Variants in INTS14 observed in about 807,000 individuals in gnomAD.
INTS14 encodes UPF0464 protein C15orf44.
In INTS14, 27 loss-of-function variants were observed where a neutral mutation model predicts 56.9. The ratio of observed to expected loss-of-function variants is 0.47; its 90% CI spans 0.35 to 0.65. The LOEUF (loss-of-function observed/expected upper bound fraction) is 0.65. INTS14 is among the 30% of genes least tolerant of loss of function. The pLI is 0.00. For missense variants in INTS14, 517 were observed against 632.2 expected (o/e 0.82, Z 1.95); for synonymous variants, 207 against 236.2 (o/e 0.88, Z 1.13).
At chr15:65,586,154 C>T (rs2072814514) in intron 9 of INTS14, among the ~76,000 whole-genome samples, 1 of 152,122 alleles carries the variant, frequency 6.6e-6, no homozygotes, top group African/African-American at 2.4e-5. Context: ...AGGAATTGTG[C>T]CTAGAGAAGA....
chr15:65,610,830 AGT>A, intron 1 of INTS14: 1 of 1,534,056 alleles, frequency 6.5e-7, no homozygotes, highest in Non-Finnish European at 8.7e-7. Flanking sequence ...GGGATCTGGA[AGT>A]CTCTCTTGGA....
At chr15:65,586,228 G>GA in intron 9 of INTS14, among the ~76,000 whole-genome samples, 1 of 152,194 alleles carries the variant, frequency 6.6e-6, no homozygotes, top group Non-Finnish European at 1.5e-5. Context: ...CTATGTGCAA[G>GA]ATACTTTACA....
intron 9 of INTS14, chr15:65,586,346 G>C (rs1236576769): frequency 2.6e-5 from 4 of 152,228 alleles, no homozygotes; most frequent in Non-Finnish European, 5.9e-5. Context: ...AGGTTTCACA[G>C]TGACTCAGTT....
intron 3 of INTS14, among the ~76,000 whole-genome samples, chr15:65,604,216 G>A (rs1007075529): frequency 2.6e-5 from 4 of 152,106 alleles, no homozygotes; most frequent in African/African-American, 9.7e-5. Context: ...CAGAGTAGCT[G>A]GGACTACAGG....
intron 7 of INTS14, among the ~76,000 whole-genome samples, chr15:65,595,435 A>G (rs886721939): frequency 6.6e-6 from 1 of 152,228 alleles, no homozygotes; most frequent in African/African-American, 2.4e-5. Flanking sequence ...CTTTCTCAGC[A>G]TGTTAGTACT....
chr15:65,581,618 T>C (rs1232235219), intron 11 of INTS14, among the ~76,000 whole-genome samples: 2 of 148,532 alleles, frequency 1.3e-5, no homozygotes, highest in African/African-American at 5.0e-5. Context: ...GCCACATACA[T>C]TGGTTGCCTG....
chr15:65,590,879 G>C (rs1186222298), intron 9 of INTS14, among the ~76,000 whole-genome samples: 1 of 152,176 alleles, frequency 6.6e-6, no homozygotes, highest in Non-Finnish European at 1.5e-5. Flanking sequence ...TTAATCAAAA[G>C]GAGGAGGAAA....
At chr15:65,598,821 T>C (rs747357850) in intron 5 of INTS14, 51 bp downstream of exon 5, 23 of 1,381,072 alleles carry the variant, frequency 1.7e-5, no homozygotes, top group Non-Finnish European at 2.2e-5. Context: ...GGATGTCAAA[T>C]TATAATACTG....
chr15:65,589,904 G>T (rs1179212556), intron 9 of INTS14, among the ~76,000 whole-genome samples: 1 of 152,048 alleles, frequency 6.6e-6, no homozygotes, highest in Admixed American at 6.5e-5. Context: ...CTACAGAATT[G>T]TCTCTAGGTA....
chr15:65,579,331 T>C lies in INTS14; in HGVS notation c.*77A>G. The C allele has an allele frequency of 1.9e-6, 3 of 1,555,136 alleles. No homozygotes were observed. The highest frequency in any genetic ancestry group is 2.6e-6 in the Non-Finnish European group (3 of 1,147,934). The stretch of plus-strand genomic sequence containing the variant: ...GGTCTTTGGGTGGCTATTCTAGAGG[T>C]GAACATACTGGAAAGGTTTTTACCT... On this transcript the variant is annotated 3_prime_UTR_variant, in exon 12 of 12. Transcript: ENST00000313182.
intron 3 of INTS14, among the ~76,000 whole-genome samples, chr15:65,600,456 C>T (rs1442774391): frequency 6.6e-6 from 1 of 151,958 alleles, no homozygotes; most frequent in East Asian, 1.9e-4. Flanking sequence ...TGGTGAAACC[C>T]TGCCTCTACA....
intron 10 of INTS14, among the ~76,000 whole-genome samples, chr15:65,583,641 T>C (rs2072709265): frequency 6.6e-6 from 1 of 152,198 alleles, no homozygotes; most frequent in African/African-American, 2.4e-5. Context: ...TAAATGGGAC[T>C]GAATTGTGTA....
chr15:65,591,742 A>T lies in INTS14; in HGVS notation c.987-11T>A. 1 of 1,613,066 alleles carries T rather than the reference A, an allele frequency of 6.2e-7. No homozygotes were observed. Among genetic ancestry groups the T allele is most frequent in the Non-Finnish European group, 8.5e-7 (1 of 1,179,616 alleles). ...CCATGCCATTCAGGACTAGATGGAG[A>T]GAAGACGGAAGATCAGAAGAACATC... On this transcript the variant is annotated splice_polypyrimidine_tract_variant and intron_variant, in intron 8 of 11. Coordinates refer to ENST00000313182, the MANE Select transcript of INTS14 (RefSeq NM_001394796.1).
At chr15:65,594,553 C>T (rs894740215) in intron 7 of INTS14, among the ~76,000 whole-genome samples, 1 of 147,030 alleles carries the variant, frequency 6.8e-6, no homozygotes, top group Non-Finnish European at 1.5e-5. Context: ...CCACTACGCC[C>T]AGGTTTTTTT....
intron 6 of INTS14, among the ~76,000 whole-genome samples, chr15:65,598,011 T>A (rs2073275594): frequency 6.6e-6 from 1 of 152,092 alleles, no homozygotes; most frequent in Non-Finnish European, 1.5e-5. Context: ...TCCGAAATGC[T>A]CAACAATCCA....
intron 1 of INTS14, among the ~76,000 whole-genome samples, chr15:65,609,139 C>G (rs75470963): frequency 0.049 from 7,486 of 152,028 alleles, 638 homozygotes; most frequent in African/African-American, 0.17. Context: ...AGGCTGGTCT[C>G]GAACTTCTGA....
At chr15:65,593,351 A>G in intron 8 of INTS14, 77 bp downstream of exon 8, 2 of 1,518,892 alleles carry the variant, frequency 1.3e-6, no homozygotes, top group Middle Eastern at 3.5e-4. Flanking sequence ...TATTTCCTTC[A>G]GAAAAGTCTG....
At chr15:65,581,659 TGAG>T (rs1205380407) in intron 11 of INTS14, among the ~76,000 whole-genome samples, 2 of 150,578 alleles carry the variant, frequency 1.3e-5, no homozygotes, top group Non-Finnish European at 1.5e-5. Flanking sequence ...ATAGGAGTGA[TGAG>T]GAGAGTTCAG....
rs74021145 is a variant in INTS14, at chr15:65,593,985, T to C, written c.842-413A>G. 2.1e-3 allele frequency among the ~76,000 whole-genome samples: 327 copies of C among 152,308 alleles called. 2 individuals carry two copies. The highest frequency in any genetic ancestry group is 7.3e-3 in the African/African-American group (304 of 41,556). On this transcript the variant is annotated intron_variant, in intron 7 of 11. Transcript: ENST00000313182. ...AACCACTTTAAATGGGTGAAGTATATGGTATGTGAATTATATCTCAGTAAA... is the reference window on the plus strand; with the variant it reads ...AACCACTTTAAATGGGTGAAGTATACGGTATGTGAATTATATCTCAGTAAA...
Sources: gnomAD v4.1 joint callset for allele counts (sites outside exome capture counted in the v4.1 genomes callset) on GRCh38, gnomAD v4.1.1 for gene constraint, MANE v1.5 for transcripts, NCBI Gene and HGNC (gene_info 2026-07-23, HGNC 2026-07-21) for gene names.